The following ABTB2 variants were observed in gnomAD, a reference collection of about 807,000 sequenced individuals.
ABTB2 encodes ankyrin repeat and BTB domain containing 2, also known as ankyrin repeat and BTB/POZ domain-containing protein 2.
Under a neutral mutation model 104.1 loss-of-function variants are expected in ABTB2, and 56 were observed. That is an observed-to-expected ratio of 0.54 (90% CI 0.43 to 0.67). The LOEUF is 0.67. Among genes scored for constraint, ABTB2 ranks in the 30% least tolerant of loss-of-function variants. ABTB2 has a pLI of 0.00. For missense variants in ABTB2, 1,279 were observed against 1,407.7 expected (o/e 0.91, Z 1.46); for synonymous variants, 606 against 608.2 (o/e 1.00, Z 0.05).
intron 1 of ABTB2, among the ~76,000 whole-genome samples, chr11:34,228,793 T>C (rs527451278): frequency 2.6e-5 from 4 of 152,284 alleles, no homozygotes; most frequent in Non-Finnish European, 2.9e-5. Context: ...CCAACACTTA[T>C]TATCTGTCTG....
chr11:34,173,038 G>A (rs1353574325), intron 4 of ABTB2, 117 bp downstream of exon 4: 2 of 1,303,166 alleles, frequency 1.5e-6, no homozygotes, highest in East Asian at 2.4e-5. Context: ...CAGCTCAAAT[G>A]TGCTGCAGCC....
chr11:34,191,170 G>T (rs887591502), intron 3 of ABTB2, among the ~76,000 whole-genome samples: 5 of 152,180 alleles, frequency 3.3e-5, no homozygotes, highest in Admixed American at 2.6e-4. Context: ...TTGGGAGGCT[G>T]AGGTGGGAGG....
chr11:34,314,084 G>A (rs978586778), intron 1 of ABTB2, among the ~76,000 whole-genome samples: 21 of 152,152 alleles, frequency 1.4e-4, no homozygotes, highest in African/African-American at 4.3e-4. Context: ...CAAAGGAGAG[G>A]GGCTAATGCT....
intron 1 of ABTB2, among the ~76,000 whole-genome samples, chr11:34,227,341 T>A (rs2133054294): frequency 6.6e-6 from 1 of 151,590 alleles, no homozygotes; most frequent in South Asian, 2.1e-4. Flanking sequence ...CTCCCCATTA[T>A]CCATTTCCCT....
chr11:34,204,589 C>A lies in ABTB2; in HGVS notation c.985G>T (p.Glu329Ter), dbSNP rs1241999949. The A allele has an allele frequency of 6.2e-7, 1 of 1,613,746 alleles. No homozygotes were observed. The highest frequency in any genetic ancestry group is 8.5e-7 in the Non-Finnish European group (1 of 1,179,988). The change falls in exon 2 of 17, where the codon GAG (glutamate) becomes TAG (stop). Residue 329 changes from glutamate to a stop codon, truncating the protein, a stop_gained. Coordinates refer to ENST00000435224, the MANE Select transcript of ABTB2 (RefSeq NM_145804.3). LOFTEE classifies it high-confidence loss of function. Reference protein sequence around the residue: ...AYAQLELRTLEQSLLATCVGS... With the variant: ...AYAQLELRTL ...ACGCAGGTGGCCAGGAGGGACTGCT[C>A]CAGGGTTCGGAGCTCCAGCTGGGCA...
Position 34,154,206 on chromosome 11 carries a change from G to A in ABTB2, c.2880+59C>T. On this transcript the variant is annotated intron_variant, in intron 16 of 16. Transcript: ENST00000435224. This position sits in a 1 kb window ranked among gnomAD's most constrained non-coding sequence, Gnocchi z 4.9. ...ATCCCCAGTGCAGCCACACGGCCGAGGCCCCCGTGGAGCAGAGCATGTGGT... is the reference window on the plus strand; with the variant it reads ...ATCCCCAGTGCAGCCACACGGCCGAAGCCCCCGTGGAGCAGAGCATGTGGT... 1 of 1,368,120 alleles carries A rather than the reference G, an allele frequency of 7.3e-7. No homozygotes were observed. 84.7% of individuals were successfully genotyped at this position (1,368,120 alleles called of 1,614,324 possible).
chr11:34,257,157 T>C (rs1211609375), intron 1 of ABTB2, among the ~76,000 whole-genome samples: 1 of 152,264 alleles, frequency 6.6e-6, no homozygotes, highest in Non-Finnish European at 1.5e-5. Context: ...TGAAGTGGGC[T>C]TGTTATGAAG....
intron 1 of ABTB2, among the ~76,000 whole-genome samples, chr11:34,293,924 C>T (rs1854592224): frequency 6.6e-6 from 1 of 152,160 alleles, no homozygotes; most frequent in African/African-American, 2.4e-5. Flanking sequence ...CAGGGTTTCA[C>T]TATGTTGGCC....
chr11:34,184,123 G>A (rs1011733695), intron 3 of ABTB2, among the ~76,000 whole-genome samples: 5 of 151,232 alleles, frequency 3.3e-5, no homozygotes, highest in Admixed American at 1.3e-4. Context: ...TGCTGCGTCC[G>A]GCCTCCAGGA....
intron 1 of ABTB2, among the ~76,000 whole-genome samples, chr11:34,329,517 C>T (rs528714154): frequency 1.3e-5 from 2 of 152,354 alleles, no homozygotes; most frequent in South Asian, 4.1e-4. Context: ...TGGTTATGGA[C>T]TACAATGACT....
chr11:34,182,507 G>A (rs550186251), intron 3 of ABTB2, among the ~76,000 whole-genome samples: 3 of 137,634 alleles, frequency 2.2e-5, no homozygotes, highest in South Asian at 5.0e-4. Flanking sequence ...TGGGGGGGGG[G>A]GGAAATTCAC....
chr11:34,291,412 G>A (rs1247512524), intron 1 of ABTB2, among the ~76,000 whole-genome samples: 1 of 152,226 alleles, frequency 6.6e-6, no homozygotes, highest in Non-Finnish European at 1.5e-5. Context: ...TAGTTTCCAA[G>A]ATCACAGAGT....
At chr11:34,166,010 G>C (rs1410440164) in intron 7 of ABTB2, among the ~76,000 whole-genome samples, 1 of 152,244 alleles carries the variant, frequency 6.6e-6, no homozygotes, top group Non-Finnish European at 1.5e-5. Flanking sequence ...AGGGTTAACA[G>C]ATACCAGGCA....
chr11:34,158,129 TAG>T (rs1390244497), intron 14 of ABTB2, among the ~76,000 whole-genome samples: 1 of 152,220 alleles, frequency 6.6e-6, no homozygotes, highest in Non-Finnish European at 1.5e-5. Flanking sequence ...TAAAACCTTT[TAG>T]AGGCTGGGCG....
rs576927289 is a variant in ABTB2, at chr11:34,188,562, C to A, written c.1244+8763G>T. ...CACGGAAACAAGTACTTAATTCACC[C>A]AATAGCTATTCTTATTTCATTTACT... On this transcript the variant is annotated intron_variant, in intron 3 of 16. Coordinates refer to ENST00000435224, the MANE Select transcript of ABTB2 (RefSeq NM_145804.3). Among the ~76,000 whole-genome samples, 11 of 152,218 alleles carry A rather than the reference C, an allele frequency of 7.2e-5. No homozygotes were observed. In the East Asian group the frequency reaches 1.3e-3, roughly 19 times the overall value.
intron 1 of ABTB2, among the ~76,000 whole-genome samples, chr11:34,345,863 C>CT (rs1022679233): frequency 3.9e-5 from 6 of 152,158 alleles, no homozygotes; most frequent in African/African-American, 7.2e-5. Flanking sequence ...AAAAGCAACT[C>CT]TTTTTTTGCC....
chr11:34,152,290 C>G lies in ABTB2; in HGVS notation c.*97G>C, dbSNP rs2473930. 6 of 1,364,146 alleles carry G rather than the reference C, an allele frequency of 4.4e-6. No homozygotes were observed. The South Asian group carries it at 7.1e-5, about 16-fold the overall frequency. The allele number at this position is 1,364,146 out of a possible 1,614,324, so 84.5% of individuals were successfully genotyped here. On this transcript the variant is annotated 3_prime_UTR_variant, in exon 17 of 17. Coordinates refer to ENST00000435224, the MANE Select transcript of ABTB2 (RefSeq NM_145804.3). ...CTGGGGGAGGAGGAGGAAACAGCCC[C>G]GTGAACCTGGCTCCAAGAGGGCCTA...
At chr11:34,350,256 T>C (rs183703059) in intron 1 of ABTB2, among the ~76,000 whole-genome samples, 1 of 152,132 alleles carries the variant, frequency 6.6e-6, no homozygotes, top group Non-Finnish European at 1.5e-5. Context: ...GCCCCCTTCA[T>C]ACAGGCTCTT....
intron 1 of ABTB2, among the ~76,000 whole-genome samples, chr11:34,316,868 C>G (rs906804940): frequency 2.6e-5 from 4 of 152,136 alleles, no homozygotes; most frequent in Non-Finnish European, 5.9e-5. Flanking sequence ...ATGTGGGAAG[C>G]TTGTGATACA....
Sources: allele counts gnomAD v4.1 joint callset (sites outside exome capture counted in the v4.1 genomes callset), GRCh38; gene constraint gnomAD v4.1.1; non-coding constraint Gnocchi (gnomAD v3.1); transcripts MANE v1.5; gene names NCBI Gene and HGNC (gene_info 2026-07-23, HGNC 2026-07-21).